Variants in GNPTAB observed in about 807,000 individuals in gnomAD.
GNPTAB encodes N-acetylglucosamine-1-phosphate transferase subunits alpha and beta.
Under a neutral mutation model 136.6 loss-of-function variants are expected in GNPTAB, and 92 were observed. That is an observed-to-expected ratio of 0.67 (90% confidence interval 0.57 to 0.80). The LOEUF (loss-of-function observed/expected upper bound fraction) is 0.80, where lower values mean the gene tolerates loss of function less well. GNPTAB is among the 30% of genes least tolerant of loss of function. The pLI is 0.00. For missense variants in GNPTAB, 1,343 were observed against 1,501.8 expected (o/e 0.89, Z 1.75); for synonymous variants, 512 against 535.1 (o/e 0.96, Z 0.60).
intron 1 of GNPTAB, 33 bp from the exon 2 acceptor site, chr12:101,796,795 A>G: frequency 2.3e-6 from 3 of 1,316,200 alleles, no homozygotes; most frequent in Non-Finnish European, 3.3e-6. Flanking sequence ...TTTTCTTCGC[A>G]TCAAAGACTA....
At chr12:101,826,585 C>G (rs1348432191) in intron 1 of GNPTAB, among the ~76,000 whole-genome samples, 1 of 151,404 alleles carries the variant, frequency 6.6e-6, no homozygotes, top group Non-Finnish European at 1.5e-5. Context: ...CTTGACCTGC[C>G]CTGTACTTAT....
intron 5 of GNPTAB, 23 bp from the exon 6 acceptor site, chr12:101,780,644 C>A (rs750632511): frequency 6.6e-7 from 1 of 1,516,294 alleles, no homozygotes; most frequent in African/African-American, 1.4e-5. Context: ...ATACAATAAA[C>A]AAGCACATTT....
intron 17 of GNPTAB, 121 bp from the exon 18 acceptor site, chr12:101,757,431 C>T: frequency 1.3e-6 from 1 of 763,978 alleles, no homozygotes; most frequent in Non-Finnish European, 2.2e-6. Context: ...ATAACTTAAA[C>T]TTTTAATACT....
In GNPTAB at chr12:101,760,045, GT is replaced by G; in HGVS notation, c.3233del (p.Tyr1078SerfsTer13). ...LNNIPPTQES[Y>X]YDPNLPPVTK... The stretch of plus-strand genomic sequence containing the variant: ...TTCCACTTACCAGGTTGGGATCATA[GT>G]AGGATTCCTGAGTTGGTGGAATATT... On this transcript the variant is annotated frameshift_variant, in exon 16 of 21. Coordinates refer to ENST00000299314, the MANE Select transcript of GNPTAB (RefSeq NM_024312.5). LOFTEE classifies it high-confidence loss of function. 6.2e-7 allele frequency: 1 copy of G among 1,605,482 alleles called. No homozygotes were observed. Among genetic ancestry groups the G allele is most frequent in the Non-Finnish European group, 8.5e-7 (1 of 1,172,130 alleles).
chr12:101,776,720 C>T (rs1042508551), intron 7 of GNPTAB, among the ~76,000 whole-genome samples: 1 of 152,210 alleles, frequency 6.6e-6, no homozygotes, highest in Non-Finnish European at 1.5e-5. Context: ...GATATTGCCT[C>T]ATATGGCTCA....
chr12:101,820,598 T>C (rs897895834), intron 1 of GNPTAB, among the ~76,000 whole-genome samples: 8 of 152,182 alleles, frequency 5.3e-5, no homozygotes, highest in Admixed American at 3.9e-4. Context: ...GCCAGTAGCA[T>C]CAACCCCATG....
At chr12:101,803,405 C>A (rs574635407) in intron 1 of GNPTAB, among the ~76,000 whole-genome samples, 2 of 152,120 alleles carry the variant, frequency 1.3e-5, no homozygotes, top group Non-Finnish European at 2.9e-5. Context: ...TAATCACATT[C>A]GATTAAAGAC....
At chr12:101,800,734 C>T (rs1296033214) in intron 1 of GNPTAB, among the ~76,000 whole-genome samples, 3 of 151,618 alleles carry the variant, frequency 2.0e-5, no homozygotes, top group African/African-American at 4.8e-5. Flanking sequence ...GCTGAGATCG[C>T]GCCACTGCAC....
At position 101,747,203 on chromosome 12, in the gene GNPTAB, C is replaced by G; in HGVS notation, c.3732G>C (p.Arg1244Ser). ...ALKRKIFPRRRIHKEASPNRI... is the reference protein window; with the variant it reads ...ALKRKIFPRRSIHKEASPNRI... Reference sequence around the variant, plus strand: ...GATTGGGACTAGCTTCTTTGTGTATCCTCCTTCTGGGAAATATCTTCCGCT... The same window carrying G: ...GATTGGGACTAGCTTCTTTGTGTATGCTCCTTCTGGGAAATATCTTCCGCT... The change falls in exon 21 of 21, where the codon AGG becomes AGC. Residue 1244 changes from arginine (R) to serine (S), a missense_variant. Arg to Ser is a moderately radical substitution (Grantham distance 110). Transcript: ENST00000299314. 1 of 1,598,504 alleles carries G rather than the reference C, an allele frequency of 6.3e-7. No homozygotes were observed. The highest frequency in any genetic ancestry group is 8.6e-7 in the Non-Finnish European group (1 of 1,165,794).
intron 1 of GNPTAB, among the ~76,000 whole-genome samples, chr12:101,824,067 G>A (rs560919210): frequency 5.9e-5 from 9 of 152,158 alleles, no homozygotes; most frequent in South Asian, 4.2e-4. Context: ...CTCAGTTCAC[G>A]TGGTTCAGTT....
intron 1 of GNPTAB, among the ~76,000 whole-genome samples, chr12:101,814,786 A>G (rs115576357): frequency 0.015 from 2,294 of 152,332 alleles, 59 homozygotes; most frequent in African/African-American, 0.053. Context: ...TCAAAAATAA[A>G]AAAAGTGAGA....
rs1241772796 is a variant in GNPTAB at position 101,786,084 on chromosome 12, T to C, written c.499A>G (p.Ile167Val). The change falls in exon 5 of 21, where the codon ATT (isoleucine) becomes GTT (valine). Residue 167 changes from isoleucine (I) to valine (V), a missense_variant. Transcript: ENST00000299314. ...LYPSFHSASD[I>V]FNVAKPKNPS... is the part of the protein sequence containing the mutation. ...TTTTTTGGTTTTGCAACATTGAAAA[T>C]GTCACTGGCAGAATGAAAAGAAGGA... The C allele has an allele frequency of 6.2e-7, 1 of 1,614,056 alleles. No homozygotes were observed. Among genetic ancestry groups the C allele is most frequent in the African/African-American group, 1.3e-5 (1 of 75,024 alleles).
chr12:101,830,415 A>C (rs971965476), intron 1 of GNPTAB, 144 bp downstream of exon 1: 3 of 632,898 alleles, frequency 4.7e-6, no homozygotes, highest in Non-Finnish European at 8.8e-6. Flanking sequence ...GCCTGAGCTC[A>C]GGAGTTCGAG....
At chr12:101,818,281 C>T (rs1382055209) in intron 1 of GNPTAB, among the ~76,000 whole-genome samples, 1 of 152,134 alleles carries the variant, frequency 6.6e-6, no homozygotes, top group South Asian at 2.1e-4. Context: ...CTGCATTCAT[C>T]ACAACACATT....
chr12:101,799,476 T>C (rs1169344713), intron 1 of GNPTAB, among the ~76,000 whole-genome samples: 2 of 152,178 alleles, frequency 1.3e-5, no homozygotes, highest in African/African-American at 4.8e-5. Flanking sequence ...GAACATTTAT[T>C]AGTAAGGAAG....
chr12:101,810,751 AAATAGGGG>A (rs1322763983), intron 1 of GNPTAB: 5 of 151,984 alleles, frequency 3.3e-5, no homozygotes, highest in Non-Finnish European at 7.4e-5. Flanking sequence ...AAAAAAGGAA[AAATAGGGG>A]AATGTGATAA....
At chr12:101,828,191 T>C (rs570721990) in intron 1 of GNPTAB, among the ~76,000 whole-genome samples, 1 of 152,230 alleles carries the variant, frequency 6.6e-6, no homozygotes, top group Non-Finnish European at 1.5e-5. Flanking sequence ...GTCTGTTATG[T>C]AGTAGGAACT....
In GNPTAB at chr12:101,812,018, G is replaced by A. The variant is rs374160533; in HGVS notation, c.118-15256C>T. Among the ~76,000 whole-genome samples the A allele has an allele frequency of 4.0e-3, 599 of 151,536 alleles. 7 individuals carry two copies. Among genetic ancestry groups the A allele is most frequent in the African/African-American group, 0.013 (554 of 41,380 alleles). On this transcript the variant is annotated intron_variant, in intron 1 of 20. Transcript: ENST00000299314. Reference sequence around the variant, plus strand: ...TGTAATCCCAGCACTTTGGGAGGCCGAGGTGGGCAGATCACTTGAGGCCAG... The same window carrying A: ...TGTAATCCCAGCACTTTGGGAGGCCAAGGTGGGCAGATCACTTGAGGCCAG...
chr12:101,760,182 G>T (rs377531309), intron 15 of GNPTAB, 39 bp from the exon 16 acceptor site: 10 of 1,195,954 alleles, frequency 8.4e-6, no homozygotes, highest in East Asian at 2.3e-5. Flanking sequence ...TATGCGCATT[G>T]TAAGTAATGA....
Sources: gnomAD v4.1 joint callset for allele counts (sites outside exome capture counted in the v4.1 genomes callset) on GRCh38, gnomAD v4.1.1 for gene constraint, MANE v1.5 for transcripts, NCBI Gene and HGNC (gene_info 2026-07-23, HGNC 2026-07-21) for gene names.